COL27A1: variants seen among roughly 807,000 people sequenced by gnomAD.
COL27A1 encodes collagen alpha-1(XXVII) chain.
In COL27A1, 106 loss-of-function variants were observed where a neutral mutation model predicts 251.3. The observed-to-expected ratio is 0.42, with a 90% CI of 0.36 to 0.50. The LOEUF (loss-of-function observed/expected upper bound fraction) is 0.50, where lower values mean the gene tolerates loss of function less well. Ranked by LOEUF, COL27A1 falls within the 20% of genes least tolerant of loss-of-function variation. The pLI is 0.00. For synonymous variants in COL27A1, 1,000 were observed against 986.3 expected, an observed-to-expected ratio of 1.01 and a Z score of -0.26; for missense variants, 2,325 against 2,522.8, an observed-to-expected ratio of 0.92 and a Z score of 1.68.
intron 28 of COL27A1, among the ~76,000 whole-genome samples, chr9:114,263,852 G>A (rs1453957780): frequency 2.0e-5 from 3 of 152,162 alleles, no homozygotes; most frequent in African/African-American, 4.8e-5. Flanking sequence ...TTCGTTGTAC[G>A]TCTGGCTAGA....
chr9:114,240,511 C>T, intron 21 of COL27A1, 24 bp downstream of exon 21: 1 of 1,601,410 alleles, frequency 6.2e-7, no homozygotes, highest in Non-Finnish European at 8.5e-7. Flanking sequence ...GCCCCCTCCA[C>T]TGCCCATCCT....
rs560048222 is a variant in COL27A1, at chr9:114,211,884, C to T, written c.2367+858C>T. On this transcript the variant is annotated intron_variant, in intron 12 of 60. Transcript: ENST00000356083. Reference sequence around the variant, plus strand: ...GATACCAGGGTCCCTCTGCCACTGCCCTGCAGGTTGACTCCTTGACTTGGA... The same window carrying T: ...GATACCAGGGTCCCTCTGCCACTGCTCTGCAGGTTGACTCCTTGACTTGGA... Among the ~76,000 whole-genome samples the T allele has an allele frequency of 7.2e-5, 11 of 152,290 alleles. No homozygotes were observed. In the East Asian group the frequency reaches 2.1e-3, roughly 29 times the overall value.
intron 12 of COL27A1, among the ~76,000 whole-genome samples, chr9:114,219,445 G>T (rs1490745622): frequency 6.6e-6 from 1 of 152,158 alleles, no homozygotes. Context: ...GGAAACAGAG[G>T]CTCTTAAAAC....
chr9:114,186,601 G>A (rs532062087), intron 5 of COL27A1, among the ~76,000 whole-genome samples: 1 of 152,316 alleles, frequency 6.6e-6, no homozygotes, highest in Admixed American at 6.5e-5. Flanking sequence ...GTTGAACCAA[G>A]GTCTAAAGTA....
At chr9:114,194,374 G>T in intron 5 of COL27A1, 30 bp from the exon 6 acceptor site, 1 of 1,612,426 alleles carries the variant, frequency 6.2e-7, no homozygotes, top group Non-Finnish European at 8.5e-7. Context: ...AGATGACTTG[G>T]TGGCCAAAGT....
At chr9:114,224,593 T>C (rs1384347492) in intron 14 of COL27A1, among the ~76,000 whole-genome samples, 1 of 151,142 alleles carries the variant, frequency 6.6e-6, no homozygotes. Flanking sequence ...TATTGCTTAG[T>C]GGAATAAACA....
In COL27A1 at chr9:114,178,228, C is replaced by A. The variant is rs79869936; in HGVS notation, c.1909-63C>A. On this transcript the variant is annotated intron_variant, in intron 3 of 60. Coordinates refer to ENST00000356083, the MANE Select transcript of COL27A1 (RefSeq NM_032888.4). ...TGCAGGCGGGATTGTTGAATGACTG[C>A]TTGAGCCCATTCTCTGCTGCCAGTG... The A allele has an allele frequency of 1.6e-4, 225 of 1,402,062 alleles. 2 individuals are homozygous for A. The East Asian group carries it at 5.1e-3, about 32-fold the overall frequency. 86.9% of individuals were successfully genotyped at this position (1,402,062 alleles called of 1,614,324 possible).
intron 17 of COL27A1, among the ~76,000 whole-genome samples, chr9:114,236,442 T>C (rs1197097818): frequency 6.6e-6 from 1 of 152,188 alleles, no homozygotes; most frequent in African/African-American, 2.4e-5. Context: ...GGGATCAAAC[T>C]GAGGTGGCCT....
intron 7 of COL27A1, among the ~76,000 whole-genome samples, chr9:114,204,325 A>AT (rs1829789957): frequency 6.6e-6 from 1 of 152,190 alleles, no homozygotes. Context: ...CCCCCATCTG[A>AT]TGGAAGCTTG....
At chr9:114,255,708 G>A (rs1410943677) in intron 27 of COL27A1, among the ~76,000 whole-genome samples, 1 of 152,110 alleles carries the variant, frequency 6.6e-6, no homozygotes, top group Non-Finnish European at 1.5e-5. Flanking sequence ...TGATCCCAAG[G>A]TTGCCATGGT....
At chr9:114,214,728 C>T (rs537581096) in intron 12 of COL27A1, among the ~76,000 whole-genome samples, 10 of 152,264 alleles carry the variant, frequency 6.6e-5, no homozygotes, top group Admixed American at 3.3e-4. Context: ...CATCTTCAAC[C>T]TCCAGAGGAA....
intron 21 of COL27A1, among the ~76,000 whole-genome samples, chr9:114,241,884 G>A (rs1031568763): frequency 6.6e-6 from 1 of 152,212 alleles, no homozygotes; most frequent in Non-Finnish European, 1.5e-5. Context: ...CTACATCTTT[G>A]AGCTGCAGTT....
rs1340859309 is a variant in COL27A1, at chr9:114,196,017, T to C, written c.2124+5T>C. The C allele has an allele frequency of 3.7e-6, 6 of 1,613,744 alleles. No individual in the cohort carries two copies. The highest frequency in any genetic ancestry group is 5.1e-6 in the Non-Finnish European group (6 of 1,179,786). On this transcript the variant is annotated splice_donor_5th_base_variant and intron_variant, in intron 7 of 60. Coordinates refer to ENST00000356083, the MANE Select transcript of COL27A1 (RefSeq NM_032888.4). Reference sequence around the variant, plus strand: ...CCAGGACCTCCGGGACGAAAGGTACTGTTTGGTTTTGATGCTTTGCCTTGC... The same window carrying C: ...CCAGGACCTCCGGGACGAAAGGTACCGTTTGGTTTTGATGCTTTGCCTTGC...
chr9:114,163,228 G>A (rs1007904255), intron 2 of COL27A1, among the ~76,000 whole-genome samples: 24 of 39,406 alleles, frequency 6.1e-4, no homozygotes, highest in African/African-American at 2.5e-3. Context: ...GCGAGACTCC[G>A]TCTCAAAAAA....
intron 49 of COL27A1, among the ~76,000 whole-genome samples, chr9:114,294,190 G>C (rs1336970757): frequency 6.7e-6 from 1 of 148,332 alleles, no homozygotes; most frequent in East Asian, 2.0e-4. Context: ...GGAGGTTGCA[G>C]TGAGCCAAGA....
chr9:114,167,614 C>A, intron 2 of COL27A1, 75 bp from the exon 3 acceptor site: 1 of 1,290,044 alleles, frequency 7.8e-7, no homozygotes, highest in Non-Finnish European at 1.1e-6. Context: ...TTGCCTGTGC[C>A]CCTTAGGGGG....
intron 5 of COL27A1, 41 bp from the exon 6 acceptor site, chr9:114,194,363 T>C: frequency 1.2e-6 from 2 of 1,603,382 alleles, no homozygotes; most frequent in South Asian, 1.1e-5. Flanking sequence ...ACATCCTTTC[T>C]AGATGACTTG....
At chr9:114,181,503 C>T (rs143429376) in intron 4 of COL27A1, among the ~76,000 whole-genome samples, 3 of 152,242 alleles carry the variant, frequency 2.0e-5, no homozygotes, top group East Asian at 1.9e-4. Flanking sequence ...ACAGTTAGCC[C>T]GATGAATCAA....
intron 32 of COL27A1, 29 bp from the exon 33 acceptor site, chr9:114,266,536 A>T (rs759530703): frequency 6.2e-7 from 1 of 1,609,842 alleles, no homozygotes; most frequent in Non-Finnish European, 8.5e-7. Context: ...GACCTCTCCC[A>T]ACTGTCTGTG....
Sources: gnomAD v4.1 joint callset for allele counts (sites outside exome capture counted in the v4.1 genomes callset) on GRCh38, gnomAD v4.1.1 for gene constraint, MANE v1.5 for transcripts, NCBI Gene and HGNC (gene_info 2026-07-23, HGNC 2026-07-21) for gene names.